OPCML: variants seen among roughly 807,000 people sequenced by gnomAD.
OPCML encodes opioid-binding protein/cell adhesion molecule.
OPCML carries 13 observed loss-of-function variants against 37.8 expected under a neutral mutation model. That is an observed-to-expected ratio of 0.34 (90% CI 0.22 to 0.55). The LOEUF is 0.55. Ranked by LOEUF, OPCML falls within the 20% of genes least tolerant of loss-of-function variation. The pLI, the probability that OPCML is intolerant of heterozygous loss-of-function variation, is 0.91. For synonymous variants in OPCML, 176 were observed against 168.8 expected (o/e 1.04, Z -0.33); for missense variants, 341 against 435.6 (o/e 0.78, Z 1.93).
intron 2 of OPCML, among the ~76,000 whole-genome samples, chr11:132,696,569 A>C (rs1216089104): frequency 6.6e-6 from 1 of 152,202 alleles, no homozygotes; most frequent in Non-Finnish European, 1.5e-5. Flanking sequence ...AGCCCATGGA[A>C]TTAAAAATAA....
chr11:133,228,604 C>A (rs568969938), intron 1 of OPCML, among the ~76,000 whole-genome samples: 3 of 152,222 alleles, frequency 2.0e-5, no homozygotes, highest in South Asian at 2.1e-4. Context: ...CGGGCCTCCC[C>A]GTCCTAGAGC....
At chr11:133,005,230 A>G (rs1261948342) in intron 1 of OPCML, 1 of 985,226 alleles carries the variant, frequency 1.0e-6, no homozygotes, top group African/African-American at 1.7e-5. Flanking sequence ...CTGGGGAGAG[A>G]CGATTTTAAA....
intron 2 of OPCML, among the ~76,000 whole-genome samples, chr11:132,764,466 C>A (rs558623936): frequency 6.6e-6 from 1 of 152,286 alleles, no homozygotes; most frequent in South Asian, 2.1e-4. Context: ...TGGTTTTAGA[C>A]GTTATTTTCC....
At chr11:132,591,789 T>C (rs530785491) in intron 3 of OPCML, among the ~76,000 whole-genome samples, 1 of 152,342 alleles carries the variant, frequency 6.6e-6, no homozygotes, top group East Asian at 1.9e-4. Context: ...ACATCATCCC[T>C]GCATCTCTGA....
At chr11:132,822,061 C>A (rs1940020929) in intron 2 of OPCML, among the ~76,000 whole-genome samples, 1 of 152,194 alleles carries the variant, frequency 6.6e-6, no homozygotes, top group African/African-American at 2.4e-5. Context: ...CTCTTACTTG[C>A]CTTCCCTTGC....
intron 4 of OPCML, among the ~76,000 whole-genome samples, chr11:132,492,431 G>A (rs747378977): frequency 4.6e-5 from 7 of 152,060 alleles, no homozygotes; most frequent in East Asian, 3.9e-4. Context: ...GGTATAGGGC[G>A]CGAGAGAAAG....
rs991046760 is a variant in OPCML, at chr11:132,730,599, C to T, written c.147-73280G>A. Among the ~76,000 whole-genome samples, 5 of 152,244 alleles carry T rather than the reference C, an allele frequency of 3.3e-5. No homozygotes were observed. The East Asian group carries it at 9.7e-4, about 29-fold the overall frequency. On this transcript the variant is annotated intron_variant, in intron 2 of 7. Coordinates refer to ENST00000524381, the MANE Select transcript of OPCML (RefSeq NM_001012393.5). ...GATAAACTGTCAAAGGGACAATTCT[C>T]TGTGGAAGAGAGCAGTTCTGATAAC...
intron 2 of OPCML, among the ~76,000 whole-genome samples, chr11:132,727,412 C>T (rs1013206588): frequency 3.9e-5 from 6 of 152,150 alleles, no homozygotes; most frequent in Admixed American, 2.6e-4. Flanking sequence ...AACAAACAGG[C>T]GTGGAGGCCT....
chr11:133,434,640 A>C (rs1946193428), intron 1 of OPCML, among the ~76,000 whole-genome samples: 1 of 151,922 alleles, frequency 6.6e-6, no homozygotes. Flanking sequence ...CTCCATACAC[A>C]GGCTAAAAAG....
intron 2 of OPCML, among the ~76,000 whole-genome samples, chr11:132,802,627 T>A (rs1412609938): frequency 6.8e-6 from 1 of 147,728 alleles, no homozygotes; most frequent in African/African-American, 2.5e-5. Context: ...GCAAAAAAAA[T>A]TAGAAAATAC....
chr11:132,512,788 T>C (rs1474630368), intron 4 of OPCML, among the ~76,000 whole-genome samples: 1 of 151,828 alleles, frequency 6.6e-6, no homozygotes, highest in Non-Finnish European at 1.5e-5. Flanking sequence ...AAAAGTCTAA[T>C]ATATAACAGC....
At position 133,205,014 on chromosome 11, in the gene OPCML, C is replaced by T. The variant is rs924147378; in HGVS notation, c.62-262004G>A. Among the ~76,000 whole-genome samples, 3 of 151,186 alleles carry T rather than the reference C, an allele frequency of 2.0e-5. No individual in the cohort carries two copies. Among genetic ancestry groups the T allele is most frequent in the African/African-American group, 7.3e-5 (3 of 41,174 alleles). On this transcript the variant is annotated intron_variant, in intron 1 of 7. Transcript: ENST00000524381. The surrounding 1 kb of genome is among the most constrained non-coding windows in gnomAD (Gnocchi z 4.8). ...TGTCTTCTTGCAGGCTAATGAGATG[C>T]CTGGCAGCTGGGGCCCAGGATGGCC...
chr11:133,334,306 G>T (rs1204136340), intron 1 of OPCML, among the ~76,000 whole-genome samples: 2 of 152,148 alleles, frequency 1.3e-5, no homozygotes, highest in East Asian at 3.8e-4. Context: ...GGAATATTAT[G>T]CAGCAGTGAA....
chr11:133,053,097 T>G (rs555723806), intron 1 of OPCML, among the ~76,000 whole-genome samples: 1 of 152,374 alleles, frequency 6.6e-6, no homozygotes, highest in East Asian at 1.9e-4. Context: ...CTCCATCTGC[T>G]GTGTTTATGA....
chr11:133,335,753 C>T (rs1158670798), intron 1 of OPCML, among the ~76,000 whole-genome samples: 1 of 151,898 alleles, frequency 6.6e-6, no homozygotes, highest in East Asian at 1.9e-4. Context: ...CAAAACTGAC[C>T]CAGCTGTATG....
intron 1 of OPCML, among the ~76,000 whole-genome samples, chr11:133,384,998 G>C (rs1045463827): frequency 1.3e-5 from 2 of 152,218 alleles, no homozygotes; most frequent in Non-Finnish European, 2.9e-5. Flanking sequence ...CTCCGCCTCT[G>C]GGTGCCACAC....
intron 3 of OPCML, among the ~76,000 whole-genome samples, chr11:132,562,250 T>G (rs550824787): frequency 7.2e-5 from 11 of 152,140 alleles, no homozygotes; most frequent in Non-Finnish European, 1.3e-4. Context: ...TACTTAAAGC[T>G]TCTACAAAAA....
At chr11:133,157,095 A>G (rs559802194) in intron 1 of OPCML, among the ~76,000 whole-genome samples, 5 of 152,070 alleles carry the variant, frequency 3.3e-5, no homozygotes, top group South Asian at 4.1e-4. Context: ...AGGTCACCCA[A>G]TGGCAAAATC....
chr11:133,238,537 C>T (rs552238219), intron 1 of OPCML, among the ~76,000 whole-genome samples: 1 of 152,140 alleles, frequency 6.6e-6, no homozygotes, highest in Non-Finnish European at 1.5e-5. Context: ...GTGTGGCTCA[C>T]GTAAGTGTAT....
Sources: gnomAD v4.1 joint callset for allele counts (sites outside exome capture counted in the v4.1 genomes callset) on GRCh38, gnomAD v4.1.1 for gene constraint, Gnocchi (gnomAD v3.1) non-coding constraint, MANE v1.5 for transcripts, NCBI Gene and HGNC (gene_info 2026-07-23, HGNC 2026-07-21) for gene names.